The following MYO5A variants were observed in gnomAD, a reference collection of about 807,000 sequenced individuals.
MYO5A encodes the protein myosin VA, also known as unconventional myosin-Va.
A neutral mutation model predicts 249.7 loss-of-function variants in MYO5A; 98 were observed. The observed-to-expected ratio is 0.39, with a 90% CI of 0.33 to 0.46. The LOEUF is 0.46. MYO5A is among the 20% of genes least tolerant of loss of function. The probability of loss-of-function intolerance (pLI) is 0.98; values close to 1 mark genes in which losing one functional copy is unlikely to be tolerated. For synonymous variants in MYO5A, 778 were observed against 810.6 expected (o/e 0.96, Z 0.68); for missense variants, 1,696 against 2,308.8 (o/e 0.73, Z 5.44).
intron 9 of MYO5A, among the ~76,000 whole-genome samples, chr15:52,399,863 G>A (rs545701679): frequency 1.3e-5 from 2 of 152,044 alleles, no homozygotes; most frequent in African/African-American, 2.4e-5. Context: ...TTATGACCAT[G>A]TGCACCCAAC....
chr15:52,406,393 A>G (rs2043004575), intron 8 of MYO5A, among the ~76,000 whole-genome samples: 1 of 152,152 alleles, frequency 6.6e-6, no homozygotes, highest in South Asian at 2.1e-4. Flanking sequence ...TTACAAACAG[A>G]TTTAGCACGA....
chr15:52,357,452 CAAA>C (rs35645503), intron 25 of MYO5A, among the ~76,000 whole-genome samples: 7 of 93,706 alleles, frequency 7.5e-5, no homozygotes, highest in African/African-American at 1.3e-4. Context: ...CTAGAACTAG[CAAA>C]AAAAAAAAAA....
intron 14 of MYO5A, among the ~76,000 whole-genome samples, chr15:52,386,248 G>A (rs2041968306): frequency 6.6e-6 from 1 of 152,190 alleles, no homozygotes; most frequent in Middle Eastern, 3.4e-3. Context: ...GGTCGAGGCT[G>A]CAGTGAGCCC....
chr15:52,366,939 T>C (rs1785367906), intron 23 of MYO5A, 92 bp downstream of exon 23: 1 of 1,094,900 alleles, frequency 9.1e-7, no homozygotes, highest in Non-Finnish European at 1.4e-6. Context: ...ATTTAAATTC[T>C]AAATAATGTT....
chr15:52,504,344 G>A (rs186310880), intron 1 of MYO5A, among the ~76,000 whole-genome samples: 201 of 152,180 alleles, frequency 1.3e-3, no homozygotes, highest in Non-Finnish European at 2.0e-3. Context: ...AAGTACAGTG[G>A]GAAAGGACTG....
At chr15:52,499,356 T>C (rs1459064182) in intron 1 of MYO5A, among the ~76,000 whole-genome samples, 1 of 152,224 alleles carries the variant, frequency 6.6e-6, no homozygotes, top group African/African-American at 2.4e-5. Flanking sequence ...TTACAACCTT[T>C]ATCATTTTTA....
At chr15:52,317,330 A>T in intron 39 of MYO5A, 108 bp from the exon 40 acceptor site, 1 of 1,101,620 alleles carries the variant, frequency 9.1e-7, no homozygotes, top group Non-Finnish European at 1.3e-6. Flanking sequence ...AATGACAGGC[A>T]GTATTTTTGT....
chr15:52,353,688 A>T, intron 26 of MYO5A, 30 bp from the exon 27 acceptor site: 1 of 1,604,378 alleles, frequency 6.2e-7, no homozygotes. Flanking sequence ...TTATATTTTA[A>T]TTGTCACATT....
At chr15:52,470,318 G>C (rs756910977) in intron 1 of MYO5A, among the ~76,000 whole-genome samples, 9 of 152,118 alleles carry the variant, frequency 5.9e-5, no homozygotes, top group Admixed American at 2.6e-4. Flanking sequence ...TAGGGTTCTA[G>C]GTGGCCAGGG....
chr15:52,329,105 C>T (rs931505968), intron 35 of MYO5A: 3 of 152,156 alleles, frequency 2.0e-5, no homozygotes, highest in Non-Finnish European at 4.4e-5. Context: ...CTTCACTTTG[C>T]TCATTACCTA....
At chr15:52,515,086 T>C (rs2077469616) in intron 1 of MYO5A, among the ~76,000 whole-genome samples, 2 of 152,112 alleles carry the variant, frequency 1.3e-5, no homozygotes, top group African/African-American at 2.4e-5. Flanking sequence ...AAGACCAGCC[T>C]GGACAACACA....
intron 3 of MYO5A, among the ~76,000 whole-genome samples, chr15:52,426,178 A>G (rs1265960107): frequency 6.6e-6 from 1 of 152,234 alleles, no homozygotes; most frequent in East Asian, 1.9e-4. Context: ...CTAAAACACC[A>G]TTTAAAAACT....
chr15:52,356,533 T>C (rs2040227536), intron 25 of MYO5A, among the ~76,000 whole-genome samples: 1 of 152,064 alleles, frequency 6.6e-6, no homozygotes, highest in Admixed American at 6.5e-5. Context: ...TGTCACCATT[T>C]GCTTAGCTAT....
At chr15:52,503,474 A>G (rs2077198829) in intron 1 of MYO5A, among the ~76,000 whole-genome samples, 1 of 152,054 alleles carries the variant, frequency 6.6e-6, no homozygotes, top group African/African-American at 2.4e-5. Context: ...CTAAAAAAAA[A>G]AATAAAGAAA....
chr15:52,519,078 A>G (rs2077557777), intron 1 of MYO5A, among the ~76,000 whole-genome samples: 1 of 152,210 alleles, frequency 6.6e-6, no homozygotes, highest in Non-Finnish European at 1.5e-5. Context: ...AAGGAAGAGA[A>G]CAGAAGACAG....
chr15:52,339,841 C>A (rs916547047), intron 32 of MYO5A, among the ~76,000 whole-genome samples: 2 of 152,136 alleles, frequency 1.3e-5, no homozygotes, highest in Non-Finnish European at 2.9e-5. Context: ...GGAAGCCTGT[C>A]CCCAGTCTCA....
chr15:52,373,115 A>G (rs964668622), intron 20 of MYO5A, among the ~76,000 whole-genome samples: 7 of 152,186 alleles, frequency 4.6e-5, no homozygotes, highest in African/African-American at 1.7e-4. Flanking sequence ...GAAAGGTAAA[A>G]GTAAAAAGAT....
intron 5 of MYO5A, 92 bp downstream of exon 5, chr15:52,416,053 A>C (rs1595634767): frequency 2.7e-6 from 4 of 1,455,352 alleles, no homozygotes; most frequent in East Asian, 2.3e-5. Flanking sequence ...TGGAGACCCC[A>C]GGCTTTCTGA....
At chr15:52,412,566 A>T (rs2043296929) in intron 5 of MYO5A, among the ~76,000 whole-genome samples, 1 of 152,220 alleles carries the variant, frequency 6.6e-6, no homozygotes, top group Admixed American at 6.5e-5. Context: ...TTTTTAAAAA[A>T]TAAAATTATT....
Sources: gnomAD v4.1 joint callset for allele counts (sites outside exome capture counted in the v4.1 genomes callset) on GRCh38, gnomAD v4.1.1 for gene constraint, MANE v1.5 for transcripts, NCBI Gene and HGNC (gene_info 2026-07-23, HGNC 2026-07-21) for gene names.